The following HECA variants were observed in gnomAD, a reference collection of about 807,000 sequenced individuals.
HECA encodes headcase protein homolog.
In HECA, 13 loss-of-function variants were observed where a neutral mutation model predicts 37.6. The observed-to-expected ratio is 0.35, with a 90% CI of 0.23 to 0.55. The LOEUF is 0.55. Ranked by LOEUF, HECA falls within the 20% of genes least tolerant of loss-of-function variation. The pLI is 0.90. For missense variants in HECA, 527 were observed against 701.9 expected (o/e 0.75, Z 2.82); for synonymous variants, 307 against 291.5 (o/e 1.05, Z -0.54).
chr6:139,175,128 A>T (rs1055238353), intron 3 of HECA, among the ~76,000 whole-genome samples: 18 of 152,304 alleles, frequency 1.2e-4, no homozygotes, highest in Non-Finnish European at 2.2e-4. Context: ...GACATCTGAA[A>T]TTTAGCTGTC....
chr6:139,167,233 G>A lies in HECA; in HGVS notation c.1221G>A (p.Val407=). 6.2e-7 allele frequency: 1 copy of A among 1,614,166 alleles called. No individual in the cohort carries two copies. The highest frequency in any genetic ancestry group is 8.5e-7 in the Non-Finnish European group (1 of 1,180,004). ...NCALCHRALP[V]FEQFPLVDGT... is the part of the protein sequence containing the mutation. Reference sequence around the variant, plus strand: ...CCCTGTGCCACCGGGCGCTCCCGGTGTTCGAACAGTTCCCACTGGTGGATG... The same window carrying A: ...CCCTGTGCCACCGGGCGCTCCCGGTATTCGAACAGTTCCCACTGGTGGATG... Residue 407 remains valine, a synonymous_variant, in exon 2 of 4, where the codon GTG becomes GTA. Transcript: ENST00000367658.
chr6:139,141,856 G>A (rs1346393578), intron 1 of HECA, among the ~76,000 whole-genome samples: 2 of 149,018 alleles, frequency 1.3e-5, no homozygotes, highest in East Asian at 2.0e-4. Context: ...AGGTTCAAGC[G>A]ATTCTCCTGC....
chr6:139,136,687 CG>C (rs1774451298), intron 1 of HECA, among the ~76,000 whole-genome samples: 1 of 150,714 alleles, frequency 6.6e-6, no homozygotes, highest in Non-Finnish European at 1.5e-5. Flanking sequence ...CAGGCTGGAG[CG>C]TAGTGGCGCA....
intron 2 of HECA, among the ~76,000 whole-genome samples, chr6:139,167,552 G>A (rs1398187560): frequency 6.6e-5 from 10 of 152,162 alleles, no homozygotes; most frequent in African/African-American, 1.9e-4. Context: ...TGTGTGTTCT[G>A]TAATTTGAAG....
intron 1 of HECA, among the ~76,000 whole-genome samples, chr6:139,160,899 T>C (rs10457030): frequency 0.55 from 83,204 of 151,836 alleles, 23,700 homozygotes; most frequent in Non-Finnish European, 0.59. Context: ...ATGAGCTGAA[T>C]AGGGCAAGCA....
At chr6:139,143,488 T>C (rs1774541415) in intron 1 of HECA, among the ~76,000 whole-genome samples, 1 of 152,194 alleles carries the variant, frequency 6.6e-6, no homozygotes, top group Admixed American at 6.5e-5. Flanking sequence ...TATCATAGTT[T>C]ACTGGGAAAA....
At chr6:139,160,454 T>C (rs1320040344) in intron 1 of HECA, among the ~76,000 whole-genome samples, 1 of 152,210 alleles carries the variant, frequency 6.6e-6, no homozygotes, top group Non-Finnish European at 1.5e-5. Context: ...CTGTTTTTAG[T>C]TTGGAGACAA....
At chr6:139,143,859 C>CAAA (rs59382752) in intron 1 of HECA, among the ~76,000 whole-genome samples, 3 of 135,412 alleles carry the variant, frequency 2.2e-5, no homozygotes, top group Non-Finnish European at 3.2e-5. Flanking sequence ...GACTCTGTCT[C>CAAA]AAAAAAAAAA....
chr6:139,147,312 G>A (rs1774596785), intron 1 of HECA, among the ~76,000 whole-genome samples: 1 of 152,148 alleles, frequency 6.6e-6, no homozygotes, highest in African/African-American at 2.4e-5. Flanking sequence ...TACTGAATAA[G>A]GACATTTACA....
intron 1 of HECA, chr6:139,155,690 T>A (rs1359938257): frequency 1.3e-5 from 2 of 152,176 alleles, no homozygotes; most frequent in Non-Finnish European, 2.9e-5. Context: ...TCAGAGCATA[T>A]TATGTAGTGC....
chr6:139,167,464 T>G, intron 2 of HECA, 140 bp downstream of exon 2: 1 of 722,912 alleles, frequency 1.4e-6, no homozygotes, highest in Non-Finnish European at 2.2e-6. Context: ...ATTTGAATAT[T>G]TCAGCTTCGC....
At chr6:139,171,123 G>A (rs1053085443) in intron 2 of HECA, among the ~76,000 whole-genome samples, 8 of 152,124 alleles carry the variant, frequency 5.3e-5, no homozygotes, top group African/African-American at 1.7e-4. Context: ...GTGTGGAGAT[G>A]TCTAGCAAAC....
intron 2 of HECA, among the ~76,000 whole-genome samples, chr6:139,167,800 G>A (rs1024153376): frequency 1.3e-5 from 2 of 152,158 alleles, no homozygotes; most frequent in Non-Finnish European, 2.9e-5. Context: ...GCAGCAAAAG[G>A]TAAACAGGAT....
chr6:139,162,301 A>C (rs1774816258), intron 1 of HECA, among the ~76,000 whole-genome samples: 1 of 152,088 alleles, frequency 6.6e-6, no homozygotes, highest in African/African-American at 2.4e-5. Context: ...AAGCAGTAGG[A>C]GTGGGGAGGA....
intron 3 of HECA, 126 bp downstream of exon 3, chr6:139,174,665 T>A: frequency 2.2e-6 from 3 of 1,369,200 alleles, no homozygotes; most frequent in Non-Finnish European, 2.9e-6. Flanking sequence ...GAGTTACTAC[T>A]TGTAATGTAG....
At chr6:139,163,479 G>A (rs1057101675) in intron 1 of HECA, among the ~76,000 whole-genome samples, 1 of 151,540 alleles carries the variant, frequency 6.6e-6, no homozygotes, top group Admixed American at 6.6e-5. Flanking sequence ...TCAGCCTCCC[G>A]AGTAGCTGGG....
At chr6:139,163,177 C>G (rs1169211368) in intron 1 of HECA, among the ~76,000 whole-genome samples, 3 of 152,160 alleles carry the variant, frequency 2.0e-5, no homozygotes, top group African/African-American at 7.2e-5. Flanking sequence ...CTGGCAGTGC[C>G]TGGAGACATT....
chr6:139,174,696 C>A, intron 3 of HECA, 157 bp downstream of exon 3: 1 of 1,094,278 alleles, frequency 9.1e-7, no homozygotes, highest in Non-Finnish European at 1.2e-6. Context: ...GAATACTATT[C>A]AGTCATTAAA....
intron 1 of HECA, among the ~76,000 whole-genome samples, chr6:139,137,280 A>G (rs1015835774): frequency 1.5e-4 from 23 of 152,098 alleles, no homozygotes; most frequent in Non-Finnish European, 2.9e-5. Context: ...TGGAAAGGTC[A>G]GTCTTCCAGA....
Sources: allele counts gnomAD v4.1 joint callset (sites outside exome capture counted in the v4.1 genomes callset), GRCh38; gene constraint gnomAD v4.1.1; transcripts MANE v1.5; gene names NCBI Gene and HGNC (gene_info 2026-07-23, HGNC 2026-07-21).